Variants in SYNJ2 observed in about 807,000 individuals in gnomAD.
SYNJ2 encodes polyphosphatidylinositol phosphatase SYNJ2.
A neutral mutation model predicts 141.3 loss-of-function variants in SYNJ2; 116 were observed. The ratio of observed to expected loss-of-function variants is 0.82; its 90% CI spans 0.71 to 0.96. The LOEUF is 0.96. SYNJ2 is among the 40% of genes least tolerant of loss of function. The pLI, the probability that SYNJ2 is intolerant of heterozygous loss-of-function variation, is 0.00. For synonymous variants in SYNJ2, 745 were observed against 777.7 expected (o/e 0.96, Z 0.70); for missense variants, 1,873 against 1,934.8 (o/e 0.97, Z 0.60).
rs772150502 is a variant in SYNJ2 at position 158,095,619 on chromosome 6, C to T, written c.3746C>T (p.Pro1249Leu). Reference protein sequence around the residue: ...KKPTLRRTGKPLSPEEQFEQQ... With the variant: ...KKPTLRRTGKLLSPEEQFEQQ... ...ACTCTTTGTCCCACCTTTTCTCAGC[C>T]CCTGTCACCGGAAGAACAGTTTGAG... is the stretch of plus-strand genomic sequence containing the variant. The change falls in exon 27 of 27, where the codon CCC becomes CTC. Residue 1249 changes from proline to leucine, a missense_variant and splice_region_variant. Coordinates refer to ENST00000355585, the MANE Select transcript of SYNJ2 (RefSeq NM_003898.4). 8 of 1,590,040 alleles carry T rather than the reference C, an allele frequency of 5.0e-6. No homozygotes were observed.
intron 4 of SYNJ2, among the ~76,000 whole-genome samples, chr6:158,041,249 G>A (rs1779932852): frequency 6.6e-6 from 1 of 152,154 alleles, no homozygotes; most frequent in African/African-American, 2.4e-5. Flanking sequence ...GCTAATACCA[G>A]AGCCCACTTT....
At chr6:158,056,988 C>T (rs1247422757) in intron 6 of SYNJ2, among the ~76,000 whole-genome samples, 2 of 151,830 alleles carry the variant, frequency 1.3e-5, no homozygotes, top group African/African-American at 2.4e-5. Context: ...TGATGAGTCT[C>T]GGTGGAAGGG....
intron 23 of SYNJ2, among the ~76,000 whole-genome samples, chr6:158,087,686 A>G (rs1481478990): frequency 2.6e-5 from 4 of 152,238 alleles, no homozygotes; most frequent in African/African-American, 9.6e-5. Context: ...GTAGTAACCA[A>G]TGGCAAGCCA....
intron 1 of SYNJ2, among the ~76,000 whole-genome samples, chr6:157,988,501 T>G (rs903506770): frequency 3.9e-5 from 6 of 152,134 alleles, no homozygotes; most frequent in African/African-American, 1.4e-4. Context: ...CTACAGATAT[T>G]CAGGCAGACC....
chr6:158,098,877 A>G lies in SYNJ2; in HGVS notation c.*2513A>G, dbSNP rs981824846. On this transcript the variant is annotated 3_prime_UTR_variant, in exon 27 of 27. Coordinates refer to ENST00000355585, the MANE Select transcript of SYNJ2 (RefSeq NM_003898.4). ...CACCATCTTCTCAGACTTCTTGCCT[A>G]TTCTTAAAATATGTTTTGGTTAATG... 1 of 152,196 alleles carries G rather than the reference A, an allele frequency of 6.6e-6. No individual in the cohort carries two copies. Among genetic ancestry groups the G allele is most frequent in the African/African-American group, 2.4e-5 (1 of 41,442 alleles). The allele number at this position is 152,196 out of a possible 1,614,324, so 9.4% of individuals were successfully genotyped here. A position where few individuals can be genotyped will look rare whatever the true frequency, so the allele number is the denominator to read the frequency against.
chr6:158,049,205 C>T (rs1396426578), intron 5 of SYNJ2, among the ~76,000 whole-genome samples: 1 of 152,088 alleles, frequency 6.6e-6, no homozygotes, highest in East Asian at 1.9e-4. Context: ...CTTTAGGGGC[C>T]AGATAAGAGT....
At chr6:157,996,033 G>T (rs1777619715) in intron 1 of SYNJ2, among the ~76,000 whole-genome samples, 1 of 152,208 alleles carries the variant, frequency 6.6e-6, no homozygotes, top group African/African-American at 2.4e-5. Flanking sequence ...TAATCTGGAA[G>T]TGCAAGTATC....
At chr6:158,054,822 T>C in intron 5 of SYNJ2, 145 bp from the exon 6 acceptor site, 1 of 733,992 alleles carries the variant, frequency 1.4e-6, no homozygotes, top group East Asian at 2.8e-5. Context: ...AGCTCAGCCT[T>C]CCTGAGCCCT....
rs1026552200 is a variant in SYNJ2, at chr6:158,017,427, T to C, written c.214+137T>C. The C allele has an allele frequency of 4.7e-3, 4,971 of 1,054,162 alleles. 12 individuals are homozygous for C. Among genetic ancestry groups the C allele is most frequent in the Non-Finnish European group, 5.3e-3 (4,184 of 790,654 alleles). 65.3% of individuals were successfully genotyped at this position (1,054,162 alleles called of 1,614,324 possible). ...CTTCTTTTTTTTTTTTTTTTTTTTT[T>C]CTCCGAGATAGAGTTTTGCTCTTGT... On this transcript the variant is annotated intron_variant, in intron 2 of 26. Transcript: ENST00000355585.
At chr6:158,073,067 C>G in intron 15 of SYNJ2, among the ~76,000 whole-genome samples, 1 of 46,542 alleles carries the variant, frequency 2.1e-5, no homozygotes, top group South Asian at 8.8e-4. Context: ...GAGACTCTGT[C>G]TAAAAAAAAA....
intron 2 of SYNJ2, among the ~76,000 whole-genome samples, chr6:158,024,763 G>C (rs150356301): frequency 1.3e-5 from 2 of 152,228 alleles, no homozygotes; most frequent in East Asian, 1.9e-4. Context: ...TTCTGAAGAG[G>C]GGGGACTGGA....
At chr6:158,058,549 C>G (rs1781009490) in intron 6 of SYNJ2, among the ~76,000 whole-genome samples, 2 of 152,198 alleles carry the variant, frequency 1.3e-5, no homozygotes, top group South Asian at 4.1e-4. Flanking sequence ...GAGTTGAGAG[C>G]TCTCCTGCCA....
rs145447363 is a variant in SYNJ2, at chr6:158,026,116, A to G, written c.215-2640A>G. 4.7e-3 allele frequency among the ~76,000 whole-genome samples: 719 copies of G among 152,340 alleles called. 5 individuals are homozygous for G. Among genetic ancestry groups the G allele is most frequent in the South Asian group, 9.5e-3 (46 of 4,830 alleles). On this transcript the variant is annotated intron_variant, in intron 2 of 26. Coordinates refer to ENST00000355585, the MANE Select transcript of SYNJ2 (RefSeq NM_003898.4). ...CTACATTTTGGCTCCAACACAGACTAGCTGTGTGCTTGGGCGGGTGATTCA... is the reference window on the plus strand; with the variant it reads ...CTACATTTTGGCTCCAACACAGACTGGCTGTGTGCTTGGGCGGGTGATTCA...
intron 5 of SYNJ2, among the ~76,000 whole-genome samples, chr6:158,044,429 C>T (rs1026783740): frequency 2.6e-5 from 4 of 152,168 alleles, no homozygotes; most frequent in East Asian, 1.9e-4. Flanking sequence ...ATGGAGGTCT[C>T]GTTTAGGCTC....
intron 20 of SYNJ2, 94 bp downstream of exon 20, chr6:158,081,604 C>CT: frequency 9.1e-6 from 2 of 219,722 alleles, no homozygotes; most frequent in Non-Finnish European, 8.1e-6. Context: ...CTGACCTGTG[C>CT]CTTTTTTTTT....
intron 25 of SYNJ2, among the ~76,000 whole-genome samples, chr6:158,091,046 G>T (rs535600846): frequency 6.6e-6 from 1 of 152,104 alleles, no homozygotes; most frequent in African/African-American, 2.4e-5. Flanking sequence ...GGCCGGGCGC[G>T]GTGGCTCACG....
At chr6:157,999,079 G>A (rs989278026) in intron 1 of SYNJ2, among the ~76,000 whole-genome samples, 1 of 152,206 alleles carries the variant, frequency 6.6e-6, no homozygotes, top group Non-Finnish European at 1.5e-5. Flanking sequence ...GCATATAAAA[G>A]AACTCCTATA....
rs143886244 is a variant in SYNJ2 at position 158,083,525 on chromosome 6, G to T, written c.2962G>T (p.Val988Leu). Residue 988 changes from valine to leucine, a missense_variant, in exon 21 of 27, where the codon GTG (valine) becomes TTG (leucine). By Grantham distance (32) the Val-to-Leu change is conservative. Transcript: ENST00000355585. ...IIRKRDSMAP[V>L]SPTANSCLLE... is the part of the protein sequence containing the mutation. Reference sequence around the variant, plus strand: ...TCGGAAACGAGACAGCATGGCCCCCGTGTCTCCCACTGCCAACTCCTGTTT... The same window carrying T: ...TCGGAAACGAGACAGCATGGCCCCCTTGTCTCCCACTGCCAACTCCTGTTT... The T allele has an allele frequency of 1.9e-6, 3 of 1,614,158 alleles. No homozygotes were observed. The highest frequency in any genetic ancestry group is 1.1e-5 in the South Asian group (1 of 91,074).
At chr6:158,060,971 C>T (rs913399901) in intron 7 of SYNJ2, among the ~76,000 whole-genome samples, 6 of 152,256 alleles carry the variant, frequency 3.9e-5, no homozygotes, top group African/African-American at 1.4e-4. Flanking sequence ...CAGCAGCCTG[C>T]CCAGGGCCCA....
Sources: allele counts gnomAD v4.1 joint callset (sites outside exome capture counted in the v4.1 genomes callset), GRCh38; gene constraint gnomAD v4.1.1; transcripts MANE v1.5; gene names NCBI Gene and HGNC (gene_info 2026-07-23, HGNC 2026-07-21).